SLCO4A1: variants seen among roughly 807,000 people sequenced by gnomAD.
SLCO4A1 encodes the protein solute carrier organic anion transporter family member 4A1, also known as colon organic anion transporter.
A neutral mutation model predicts 64.6 loss-of-function variants in SLCO4A1; 51 were observed. The ratio of observed to expected loss-of-function variants is 0.79; its 90% confidence interval spans 0.63 to 1.00. SLCO4A1 has a LOEUF of 1.00. SLCO4A1 is among the 50% of genes least tolerant of loss of function. The probability of loss-of-function intolerance (pLI) is 0.00; values close to 1 mark genes in which losing one functional copy is unlikely to be tolerated. For missense variants in SLCO4A1, 919 were observed against 980.5 expected (o/e 0.94, Z 0.84); for synonymous variants, 471 against 444.9 (o/e 1.06, Z -0.74).
At chr20:62,684,512 G>C (rs1987980218) in intron 2 of SLCO4A1, among the ~76,000 whole-genome samples, 1 of 152,218 alleles carries the variant, frequency 6.6e-6, no homozygotes, top group South Asian at 2.1e-4. Context: ...ACTGGGGTTA[G>C]ATTTGTCCAA....
downstream of SLCO4A1, among the ~76,000 whole-genome samples, chr20:62,687,533 C>T (rs774416260): frequency 6.6e-6 from 1 of 152,240 alleles, no homozygotes; most frequent in African/African-American, 2.4e-5. Flanking sequence ...ACAATGAGCC[C>T]GGCAAGGGCC....
chr20:62,682,999 C>T (rs918159074), intron 2 of SLCO4A1, among the ~76,000 whole-genome samples: 1 of 152,248 alleles, frequency 6.6e-6, no homozygotes, highest in Admixed American at 6.5e-5. Flanking sequence ...GACCCTGAAG[C>T]TGCGCAGGCT....
At chr20:62,657,405 G>C (rs1033066958) in intron 2 of SLCO4A1, among the ~76,000 whole-genome samples, 155 bp downstream of exon 2, 14 of 152,208 alleles carry the variant, frequency 9.2e-5, no homozygotes, top group African/African-American at 3.1e-4. Flanking sequence ...CAGGGGAGGA[G>C]GGTCCGCCCT....
At chr20:62,648,656 G>T (rs1981864121) in intron 1 of SLCO4A1, among the ~76,000 whole-genome samples, 1 of 152,246 alleles carries the variant, frequency 6.6e-6, no homozygotes, top group Non-Finnish European at 1.5e-5. Flanking sequence ...GTAACTGTGT[G>T]TGCACAGGAG....
chr20:62,668,419 G>T (rs1601674742), intron 9 of SLCO4A1, 58 bp from the exon 10 acceptor site: 5 of 1,562,628 alleles, frequency 3.2e-6, no homozygotes, highest in East Asian at 2.2e-5. Flanking sequence ...GGCCTAGGGG[G>T]TGACTTGGCA....
chr20:62,662,754 A>G (rs1214089276), intron 5 of SLCO4A1, among the ~76,000 whole-genome samples: 8 of 134,110 alleles, frequency 6.0e-5, no homozygotes, highest in African/African-American at 1.9e-4. Flanking sequence ...ATCCCCCCAT[A>G]TGCCAGGACC....
chr20:62,660,481 C>T lies in SLCO4A1; in HGVS notation c.957C>T (p.Ala319=), dbSNP rs151296508. The part of the protein sequence containing the change: ...AWWVGFLGSG[A]AAFFTAVPIL... ...GGGTCGGCTTCCTGGGCTCTGGGGC[C>T]GCTGCTTTCTTCACCGCCGTTCCCA... The change falls in exon 4 of 12, where the codon GCC becomes GCT. Residue 319 remains alanine (A), a synonymous_variant. Coordinates refer to ENST00000217159, the MANE Select transcript of SLCO4A1 (RefSeq NM_016354.4). The T allele has an allele frequency of 4.1e-5, 65 of 1,604,434 alleles. No individual in the cohort carries two copies. The highest frequency in any genetic ancestry group is 2.0e-4 in the East Asian group (9 of 44,868).
downstream of SLCO4A1, among the ~76,000 whole-genome samples, chr20:62,689,390 C>T (rs1988162944): frequency 6.6e-6 from 1 of 152,250 alleles, no homozygotes; most frequent in East Asian, 1.9e-4. Context: ...CTCCATCACA[C>T]CGGTGCTCGT....
chr20:62,649,419 T>G (rs1982013422), intron 1 of SLCO4A1: 1 of 152,316 alleles, frequency 6.6e-6, no homozygotes, highest in Admixed American at 6.5e-5. Flanking sequence ...GCTAAATGTC[T>G]AGGCACCCAA....
chr20:62,676,261 A>G (rs1601690604), downstream of SLCO4A1, among the ~76,000 whole-genome samples: 1 of 152,150 alleles, frequency 6.6e-6, no homozygotes, highest in East Asian at 1.9e-4. Context: ...TAAAAAAAAA[A>G]TACAAAACAT....
rs1413096862 is a variant in SLCO4A1, at chr20:62,685,227, C to A, written n.212-214C>A. On this transcript the variant is annotated intron_variant and non_coding_transcript_variant, in intron 2 of 2. Coordinates refer to the SLCO4A1 transcript ENST00000466818. The surrounding 1 kb of genome is among the most constrained non-coding windows in gnomAD (Gnocchi z 4.6). Reference sequence around the variant, plus strand: ...GAAGCAGGCGGGCAGGGGAGGGTGGCAGCGGGGTGTGGGGGCAGGAGGAGG... The same window carrying A: ...GAAGCAGGCGGGCAGGGGAGGGTGGAAGCGGGGTGTGGGGGCAGGAGGAGG... Among the ~76,000 whole-genome samples the A allele has an allele frequency of 1.6e-5, 1 of 63,938 alleles. No homozygotes were observed. Among genetic ancestry groups the A allele is most frequent in the Non-Finnish European group, 3.1e-5 (1 of 32,122 alleles). 41.9% of individuals were successfully genotyped at this position (63,938 alleles called of 152,430 possible).
At chr20:62,643,270 T>C (rs8114800) in intron 1 of SLCO4A1, 1 of 330,914 alleles carries the variant, frequency 3.0e-6, no homozygotes. Context: ...CGCGTTGCTG[T>C]TGGGCTCCCC....
chr20:62,663,939 G>A (rs892576064), intron 5 of SLCO4A1, among the ~76,000 whole-genome samples: 4 of 152,184 alleles, frequency 2.6e-5, no homozygotes, highest in Non-Finnish European at 4.4e-5. Context: ...GCGGTTGGGC[G>A]TTAGCCCTGC....
downstream of SLCO4A1, among the ~76,000 whole-genome samples, chr20:62,688,178 T>C (rs1988126354): frequency 6.6e-6 from 1 of 152,166 alleles, no homozygotes; most frequent in African/African-American, 2.4e-5. Flanking sequence ...CCACCCCATA[T>C]GCAAGCCGCA....
At chr20:62,662,195 G>A (rs1258680285) in intron 5 of SLCO4A1, among the ~76,000 whole-genome samples, 2 of 152,144 alleles carry the variant, frequency 1.3e-5, no homozygotes, top group African/African-American at 4.8e-5. Flanking sequence ...AGAGGAGCAG[G>A]GCTGGATGAA....
At chr20:62,647,588 G>GCCAGT (rs1241813601) in intron 1 of SLCO4A1, among the ~76,000 whole-genome samples, 4 of 152,258 alleles carry the variant, frequency 2.6e-5, no homozygotes, top group Non-Finnish European at 5.9e-5. Context: ...GCCAGGCCAG[G>GCCAGT]CCCAGGGGCT....
In SLCO4A1 at chr20:62,661,164, A is replaced by G; in HGVS notation, c.1110A>G (p.Arg370=). ...ASNPDFGKTI[R]DLPLSIWLLL... ...ACCCGGACTTTGGGAAAACCATCAG[A>G]GACCTGCCTCTGTAAGGACCGGAGT... is the stretch of plus-strand genomic sequence containing the variant. Residue 370 remains arginine, a synonymous_variant, in exon 5 of 12, where the codon AGA becomes AGG. Transcript: ENST00000217159. This position sits in a 1 kb window ranked among gnomAD's most constrained non-coding sequence, Gnocchi z 5.2. The G allele has an allele frequency of 6.2e-7, 1 of 1,612,346 alleles. No individual in the cohort carries two copies. The highest frequency in any genetic ancestry group is 8.5e-7 in the Non-Finnish European group (1 of 1,178,946).
At chr20:62,689,641 C>T (rs1034910724), downstream of SLCO4A1, among the ~76,000 whole-genome samples, 4 of 152,210 alleles carry the variant, frequency 2.6e-5, no homozygotes, top group Admixed American at 6.5e-5. Flanking sequence ...TGAGCCCCTC[C>T]TGGGGACCGC....
downstream of SLCO4A1, among the ~76,000 whole-genome samples, chr20:62,674,919 C>T (rs146624688): frequency 5.3e-5 from 8 of 152,340 alleles, no homozygotes; most frequent in Non-Finnish European, 1.2e-4. Flanking sequence ...TTCGGGACTC[C>T]AGAATGTGGG....
Sources: gnomAD v4.1 joint callset for allele counts (sites outside exome capture counted in the v4.1 genomes callset) on GRCh38, gnomAD v4.1.1 for gene constraint, Gnocchi (gnomAD v3.1) non-coding constraint, MANE v1.5 for transcripts, NCBI Gene and HGNC (gene_info 2026-07-23, HGNC 2026-07-21) for gene names.